Variants in BMPR1B observed in about 807,000 individuals in gnomAD.
BMPR1B encodes bone morphogenetic protein receptor type-1B.
Under a neutral mutation model 59.1 loss-of-function variants are expected in BMPR1B, and 12 were observed. The ratio of observed to expected loss-of-function variants is 0.20; its 90% CI spans 0.13 to 0.33. The LOEUF (loss-of-function observed/expected upper bound fraction) is 0.33. Among genes scored for constraint, BMPR1B ranks in the 10% least tolerant of loss-of-function variants. The pLI, the probability that BMPR1B is intolerant of heterozygous loss-of-function variation, is 1.00. For synonymous variants in BMPR1B, 237 were observed against 207.3 expected (o/e 1.14, Z -1.23); for missense variants, 550 against 610.9 (o/e 0.90, Z 1.05).
At chr4:94,971,118 A>G (rs923439726) in intron 2 of BMPR1B, among the ~76,000 whole-genome samples, 3 of 152,152 alleles carry the variant, frequency 2.0e-5, no homozygotes, top group Non-Finnish European at 2.9e-5. Context: ...TTATGTTTCA[A>G]TGTTTTGGAA....
intron 2 of BMPR1B, among the ~76,000 whole-genome samples, chr4:94,971,763 G>A (rs1024336241): frequency 1.1e-4 from 16 of 151,686 alleles, no homozygotes; most frequent in South Asian, 4.2e-4. Context: ...CATTAAATAC[G>A]TTTATGACCA....
At chr4:94,807,396 G>T (rs539846810) in intron 1 of BMPR1B, among the ~76,000 whole-genome samples, 2 of 152,214 alleles carry the variant, frequency 1.3e-5, no homozygotes, top group African/African-American at 4.8e-5. Flanking sequence ...CCAGCTGTGT[G>T]TCCTAATTCT....
chr4:94,877,298 A>G (rs1726768367), intron 2 of BMPR1B, among the ~76,000 whole-genome samples: 1 of 152,176 alleles, frequency 6.6e-6, no homozygotes, highest in Admixed American at 6.5e-5. Flanking sequence ...GAACCTTCCT[A>G]CCAGGGTGAG....
chr4:95,111,615 G>A (rs896834191), intron 4 of BMPR1B, among the ~76,000 whole-genome samples: 5 of 152,080 alleles, frequency 3.3e-5, no homozygotes, highest in Admixed American at 6.6e-5. Context: ...CTCTGAATGC[G>A]TATCTACCTA....
chr4:94,802,148 A>G (rs1723432916), intron 1 of BMPR1B, among the ~76,000 whole-genome samples: 1 of 152,210 alleles, frequency 6.6e-6, no homozygotes, highest in South Asian at 2.1e-4. Flanking sequence ...CGTTGTGGTG[A>G]AAGACAAGTG....
At chr4:94,801,075 T>C (rs899630165) in intron 1 of BMPR1B, among the ~76,000 whole-genome samples, 12 of 152,166 alleles carry the variant, frequency 7.9e-5, no homozygotes, top group Admixed American at 5.2e-4. Flanking sequence ...CAGAGAATGA[T>C]TTCACCCAAG....
At chr4:94,804,513 A>G (rs925114302) in intron 1 of BMPR1B, among the ~76,000 whole-genome samples, 1 of 151,986 alleles carries the variant, frequency 6.6e-6, no homozygotes, top group Non-Finnish European at 1.5e-5. Flanking sequence ...AGTTGTGGCC[A>G]TGCCAGTTAG....
chr4:94,912,190 C>T (rs991535530), intron 2 of BMPR1B, among the ~76,000 whole-genome samples: 4 of 152,074 alleles, frequency 2.6e-5, no homozygotes, highest in South Asian at 4.1e-4. Context: ...TATCTCCCAC[C>T]GGGTCCCTCC....
chr4:94,841,495 G>T (rs1018165536), intron 1 of BMPR1B, among the ~76,000 whole-genome samples: 2 of 152,188 alleles, frequency 1.3e-5, no homozygotes, highest in Non-Finnish European at 1.5e-5. Flanking sequence ...TCGGAAAAGC[G>T]CAGTATTTGG....
At chr4:94,851,659 T>C (rs956819625) in intron 1 of BMPR1B, among the ~76,000 whole-genome samples, 4 of 141,440 alleles carry the variant, frequency 2.8e-5, no homozygotes, top group Non-Finnish European at 4.6e-5. Context: ...AATCATATTT[T>C]ATCTTATAAT....
At chr4:94,972,907 C>T (rs1462522487) in intron 2 of BMPR1B, among the ~76,000 whole-genome samples, 3 of 152,206 alleles carry the variant, frequency 2.0e-5, no homozygotes, top group Non-Finnish European at 4.4e-5. Flanking sequence ...CTGCCCCTGT[C>T]TACCCCTTGT....
intron 3 of BMPR1B, among the ~76,000 whole-genome samples, chr4:95,068,945 C>A (rs1335339190): frequency 1.3e-5 from 2 of 152,040 alleles, no homozygotes; most frequent in Admixed American, 1.3e-4. Context: ...TATAATGAAA[C>A]CAATTTTTTT....
At chr4:94,826,104 A>G (rs1724372758) in intron 1 of BMPR1B, among the ~76,000 whole-genome samples, 2 of 152,192 alleles carry the variant, frequency 1.3e-5, no homozygotes, top group Non-Finnish European at 2.9e-5. Flanking sequence ...TGTTTATTTG[A>G]TAAGGGCCAG....
chr4:95,045,316 G>A (rs1194038547), intron 3 of BMPR1B, among the ~76,000 whole-genome samples: 1 of 152,178 alleles, frequency 6.6e-6, no homozygotes, highest in African/African-American at 2.4e-5. Flanking sequence ...GCAAGAAGTA[G>A]TAGCTGTCAG....
intron 12 of BMPR1B, 85 bp from the exon 13 acceptor site, chr4:95,154,463 T>C: frequency 6.3e-7 from 1 of 1,580,056 alleles, no homozygotes; most frequent in East Asian, 2.2e-5. Flanking sequence ...ATATTCAAAC[T>C]TAATGAACCT....
chr4:94,847,726 C>A (rs986512936), intron 1 of BMPR1B, among the ~76,000 whole-genome samples: 1 of 151,314 alleles, frequency 6.6e-6, no homozygotes, highest in Non-Finnish European at 1.5e-5. Flanking sequence ...TTTGTGGGAG[C>A]TAAAATTTAA....
At chr4:94,796,436 G>A (rs1723198645) in intron 1 of BMPR1B, among the ~76,000 whole-genome samples, 1 of 152,168 alleles carries the variant, frequency 6.6e-6, no homozygotes, top group Non-Finnish European at 1.5e-5. Flanking sequence ...TTTCTGAATA[G>A]CATGGACAGT....
intron 1 of BMPR1B, among the ~76,000 whole-genome samples, chr4:94,856,499 A>G (rs1393092700): frequency 2.0e-5 from 3 of 152,212 alleles, no homozygotes; most frequent in Non-Finnish European, 4.4e-5. Context: ...AGAGAACTCA[A>G]TGGTAGGCAT....
intron 2 of BMPR1B, among the ~76,000 whole-genome samples, chr4:94,971,393 A>G (rs2149077209): frequency 6.6e-6 from 1 of 152,264 alleles, no homozygotes; most frequent in East Asian, 1.9e-4. Context: ...ACTTTAAGGA[A>G]AAATAGTTCG....
Sources: allele counts gnomAD v4.1 joint callset (sites outside exome capture counted in the v4.1 genomes callset), GRCh38; gene constraint gnomAD v4.1.1; transcripts MANE v1.5; gene names NCBI Gene and HGNC (gene_info 2026-07-23, HGNC 2026-07-21).